SIDT2: variants seen among roughly 807,000 people sequenced by gnomAD.
SIDT2 encodes SID1 transmembrane family member 2, also known as SID1 transmembrane family, member 2.
Under a neutral mutation model 114.4 loss-of-function variants are expected in SIDT2, and 68 were observed. The observed-to-expected ratio is 0.59, with a 90% CI of 0.49 to 0.73. SIDT2 has a LOEUF of 0.73. Among genes scored for constraint, SIDT2 ranks in the 30% least tolerant of loss-of-function variants. The pLI, the probability that SIDT2 is intolerant of heterozygous loss-of-function variation, is 0.00. For missense variants in SIDT2, 918 were observed against 1,097.1 expected (o/e 0.84, Z 2.31); for synonymous variants, 470 against 438.4 (o/e 1.07, Z -0.90).
In SIDT2 at chr11:117,190,806, C is replaced by A; in HGVS notation, c.1735+66C>A. On this transcript the variant is annotated intron_variant, in intron 18 of 25. Transcript: ENST00000324225. This position sits in a 1 kb window ranked among gnomAD's most constrained non-coding sequence, Gnocchi z 4.1. ...GGGACCTGCCTGAGTCCTTCACTAT[C>A]CCCAAGTCACCCACAGGGATCGCTA... The A allele has an allele frequency of 7.8e-7, 1 of 1,277,752 alleles. No homozygotes were observed. Among genetic ancestry groups the A allele is most frequent in the Non-Finnish European group, 1.1e-6 (1 of 876,562 alleles). The allele number at this position is 1,277,752 out of a possible 1,614,324, so 79.2% of individuals were successfully genotyped here.
intron 24 of SIDT2, 99 bp from the exon 25 acceptor site, chr11:117,195,703 G>C: frequency 8.2e-7 from 1 of 1,219,020 alleles, no homozygotes; most frequent in Non-Finnish European, 1.2e-6. Flanking sequence ...CCTGCCTGGG[G>C]CTGGAGAGAG....
In SIDT2 at chr11:117,195,986, C is replaced by T. The variant is rs754681814; in HGVS notation, c.2437-18C>T. ...AGCTGCCTCCTTCTCTGTGGCTGAT[C>T]TGGCGTCCACACCCCAGGTGTTGCT... On this transcript the variant is annotated intron_variant, in intron 25 of 25. Coordinates refer to ENST00000324225, the MANE Select transcript of SIDT2 (RefSeq NM_001040455.2). 3.7e-6 allele frequency: 6 copies of T among 1,614,254 alleles called. No individual in the cohort carries two copies. In the South Asian group the frequency reaches 6.6e-5, roughly 18 times the overall value.
Position 117,190,168 on chromosome 11 carries a change from C to G in SIDT2, c.1496C>G (p.Ala499Gly). Residue 499 changes from alanine to glycine, a missense_variant and splice_region_variant, in exon 17 of 26, where the codon GCC becomes GGC. Physicochemically the swap from Ala to Gly is moderately conservative, Grantham distance 60. Coordinates refer to ENST00000324225, the MANE Select transcript of SIDT2 (RefSeq NM_001040455.2). The surrounding 1 kb of genome is among the most constrained non-coding windows in gnomAD (Gnocchi z 4.1). ...CTGCCTTGTGTTGCCCCTTCTAGCG[C>G]CTTCAACAACATCCTCAGCAACCTG... ...LCAHPLGNLSAFNNILSNLGY... is the reference protein window; with the variant it reads ...LCAHPLGNLSGFNNILSNLGY... 6.3e-7 allele frequency: 1 copy of G among 1,582,692 alleles called. No individual in the cohort carries two copies. Among genetic ancestry groups the G allele is most frequent in the Non-Finnish European group, 8.6e-7 (1 of 1,163,768 alleles).
Position 117,182,111 on chromosome 11 carries a change from A to G in SIDT2, c.516+6A>G. 6.2e-7 allele frequency: 1 copy of G among 1,613,780 alleles called. No homozygotes were observed. Among genetic ancestry groups the G allele is most frequent in the Non-Finnish European group, 8.5e-7 (1 of 1,180,004 alleles). On this transcript the variant is annotated splice_donor_region_variant and intron_variant, in intron 4 of 25. Transcript: ENST00000324225. Reference sequence around the variant, plus strand: ...CCACAGCAGCACAGCCCCAGGTAACATCTCCCTGTTGATTGCTCGAGAGGA... The same window carrying G: ...CCACAGCAGCACAGCCCCAGGTAACGTCTCCCTGTTGATTGCTCGAGAGGA...
At position 117,183,063 on chromosome 11, in the gene SIDT2, G is replaced by C. The variant is rs1306261595; in HGVS notation, c.702+257G>C. 2.0e-5 allele frequency among the ~76,000 whole-genome samples: 3 copies of C among 152,224 alleles called. No individual in the cohort carries two copies. In the East Asian group the frequency reaches 5.8e-4, roughly 29 times the overall value. ...CTTCATTCATTGTAACAATAAGAGG[G>C]CTGAGCGCGGTGGCTCATTCCTGTA... On this transcript the variant is annotated intron_variant, in intron 6 of 25. Transcript: ENST00000324225.
At chr11:117,194,046 C>G in intron 24 of SIDT2, 83 bp downstream of exon 24, 2 of 1,111,338 alleles carry the variant, frequency 1.8e-6, no homozygotes, top group South Asian at 1.3e-5. Flanking sequence ...CTGGGATTAC[C>G]TGTAATCCCA....
chr11:117,180,344 C>CT (rs1486529010), intron 1 of SIDT2, among the ~76,000 whole-genome samples: 2 of 152,040 alleles, frequency 1.3e-5, no homozygotes, highest in Non-Finnish European at 2.9e-5. Context: ...TCCTTTCTTC[C>CT]TTTTTTCCCA....
At chr11:117,179,591 C>A (rs1207722416) in intron 1 of SIDT2, 145 bp downstream of exon 1, 2 of 747,332 alleles carry the variant, frequency 2.7e-6, no homozygotes, top group Non-Finnish European at 4.2e-6. Context: ...ACTGGAGCCT[C>A]TTGACCAGTC....
rs145391600 is a variant in SIDT2, at chr11:117,191,494, G to T, written c.1736-384G>T. ...AGCTACTCAGGGGGCTGAGGCAGGA[G>T]AATTGCTTGAGCCCAGGAAGCGGAG... On this transcript the variant is annotated intron_variant, in intron 18 of 25. Coordinates refer to ENST00000324225, the MANE Select transcript of SIDT2 (RefSeq NM_001040455.2). 827 of 201,880 alleles carry T rather than the reference G, an allele frequency of 4.1e-3. 11 individuals carry two copies. The highest frequency in any genetic ancestry group is 0.018 in the African/African-American group (745 of 42,564). The allele number at this position is 201,880 out of a possible 1,614,324, so 12.5% of individuals were successfully genotyped here. A position where few individuals can be genotyped will look rare whatever the true frequency, so the allele number is the denominator to read the frequency against.
At chr11:117,182,905 C>T (rs2030350483) in intron 6 of SIDT2, 99 bp downstream of exon 6, 12 of 1,313,968 alleles carry the variant, frequency 9.1e-6, no homozygotes, top group Non-Finnish European at 1.3e-5. Context: ...TCCTATCCTA[C>T]ACACGACTGA....
chr11:117,192,435 G>C lies in SIDT2; in HGVS notation c.1981+73G>C. On this transcript the variant is annotated intron_variant, in intron 20 of 25. Coordinates refer to ENST00000324225, the MANE Select transcript of SIDT2 (RefSeq NM_001040455.2). This position sits in a 1 kb window ranked among gnomAD's most constrained non-coding sequence, Gnocchi z 5.9. ...TTGGGAACCCGGACGCACGGGAGAC[G>C]CTCAGGTTCTGTCTTGGGGGCCCTG... The C allele has an allele frequency of 7.2e-7, 1 of 1,391,532 alleles. No homozygotes were observed. Among genetic ancestry groups the C allele is most frequent in the Non-Finnish European group, 1.0e-6 (1 of 987,636 alleles). The allele number at this position is 1,391,532 out of a possible 1,614,324, so 86.2% of individuals were successfully genotyped here.
chr11:117,182,434 C>A, intron 4 of SIDT2, 85 bp from the exon 5 acceptor site: 1 of 1,256,888 alleles, frequency 8.0e-7, no homozygotes, highest in Admixed American at 1.8e-5. Context: ...TCTGGGTCCT[C>A]GCTTATAGGG....
At chr11:117,193,741 C>A (rs900539233) in intron 23 of SIDT2, 112 bp from the exon 24 acceptor site, 2 of 735,524 alleles carry the variant, frequency 2.7e-6, no homozygotes, top group East Asian at 2.6e-5. Flanking sequence ...AAGGAGCAGT[C>A]CTGAAGGCCT....
intron 2 of SIDT2, 85 bp downstream of exon 2, chr11:117,181,622 C>T (rs1230629235): frequency 6.3e-7 from 1 of 1,597,846 alleles, no homozygotes; most frequent in East Asian, 2.2e-5. Context: ...CCCCATTTCT[C>T]CTCCCCTTTC....
rs521171 is a variant in SIDT2, at chr11:117,193,977, C to A, written c.2322+14C>A. On this transcript the variant is annotated intron_variant, in intron 24 of 25. Coordinates refer to ENST00000324225, the MANE Select transcript of SIDT2 (RefSeq NM_001040455.2). ...AGCACCTGGCAGGTGAGCACTCACC[C>A]TCAGGCTCCTTGTGAGCCAACAAGT... 26 of 1,606,986 alleles carry A rather than the reference C, an allele frequency of 1.6e-5. No homozygotes were observed. Among genetic ancestry groups the A allele is most frequent in the African/African-American group, 1.1e-4 (8 of 74,660 alleles).
chr11:117,181,609 C>A, intron 2 of SIDT2, 72 bp downstream of exon 2: 2 of 1,602,418 alleles, frequency 1.2e-6, no homozygotes, highest in South Asian at 1.1e-5. Context: ...CAACCAGGAG[C>A]CCCCCCATTT....
rs962876190 is a variant in SIDT2, at chr11:117,188,353, C to G, written c.1160-355C>G. 6 of 348,192 alleles carry G rather than the reference C, an allele frequency of 1.7e-5. No homozygotes were observed. In the South Asian group the frequency reaches 1.9e-4, roughly 11 times the overall value. The allele number at this position is 348,192 out of a possible 1,614,324, so 21.6% of individuals were successfully genotyped here. A position where few individuals can be genotyped will look rare whatever the true frequency, so the allele number is the denominator to read the frequency against. ...CTCAGAACCCACAGGGCTGGGCACCCTTGAATCAGCATGACTTGCCGAGTT... is the reference window on the plus strand; with the variant it reads ...CTCAGAACCCACAGGGCTGGGCACCGTTGAATCAGCATGACTTGCCGAGTT... On this transcript the variant is annotated intron_variant, in intron 12 of 25. Coordinates refer to ENST00000324225, the MANE Select transcript of SIDT2 (RefSeq NM_001040455.2). This position sits in a 1 kb window ranked among gnomAD's most constrained non-coding sequence, Gnocchi z 4.0.
chr11:117,192,552 C>T lies in SIDT2; in HGVS notation c.1982-22C>T, dbSNP rs772994921. On this transcript the variant is annotated intron_variant, in intron 20 of 25. Transcript: ENST00000324225. The surrounding 1 kb of genome is among the most constrained non-coding windows in gnomAD (Gnocchi z 5.9). ...AAGGAGGGTGCCCCGTGCCTGTCAG[C>T]ACCACTCCCTTCTCTTCGCAGACTC... 5 of 1,606,370 alleles carry T rather than the reference C, an allele frequency of 3.1e-6. No individual in the cohort carries two copies. The Admixed American group carries it at 5.0e-5, about 16-fold the overall frequency.
chr11:117,194,914 C>T (rs528847375), intron 24 of SIDT2, among the ~76,000 whole-genome samples: 1 of 151,780 alleles, frequency 6.6e-6, no homozygotes, highest in East Asian at 1.9e-4. Flanking sequence ...TGGTGAAACC[C>T]CATCTCTAGT....
Sources: gnomAD v4.1 joint callset for allele counts (sites outside exome capture counted in the v4.1 genomes callset) on GRCh38, gnomAD v4.1.1 for gene constraint, Gnocchi (gnomAD v3.1) non-coding constraint, MANE v1.5 for transcripts, NCBI Gene and HGNC (gene_info 2026-07-23, HGNC 2026-07-21) for gene names.